MEIS2: variants seen among roughly 807,000 people sequenced by gnomAD.
The protein encoded by MEIS2 is Meis homeobox 2.
A neutral mutation model predicts 58.6 loss-of-function variants in MEIS2; 9 were observed. The observed-to-expected ratio is 0.15, with a 90% CI of 0.09 to 0.27. The LOEUF is 0.27. MEIS2 is among the 10% of genes least tolerant of loss of function. The pLI, the probability that MEIS2 is intolerant of heterozygous loss-of-function variation, is 1.00. For missense variants in MEIS2, 427 were observed against 635.0 expected (o/e 0.67, Z 3.52); for synonymous variants, 221 against 228.4 (o/e 0.97, Z 0.29).
intron 8 of MEIS2, among the ~76,000 whole-genome samples, chr15:36,974,296 C>T (rs1441487443): frequency 1.3e-5 from 2 of 152,066 alleles, no homozygotes; most frequent in East Asian, 1.9e-4. Flanking sequence ...CTACATAGTT[C>T]GTTTATTTTT....
rs556693122 is a variant in MEIS2 at position 37,093,756 on chromosome 15, T to G, written c.490-26A>C. 1.1e-5 allele frequency: 17 copies of G among 1,610,340 alleles called. No homozygotes were observed. In the South Asian group the frequency reaches 1.6e-4, roughly 16 times the overall value. On this transcript the variant is annotated intron_variant, in intron 5 of 11. Coordinates refer to ENST00000561208, the MANE Select transcript of MEIS2 (RefSeq NM_170675.5). ...CTAGAACGAAGGTCATGGTGGAGGG[T>G]TTAGCTCATGTTGTTGTTGTTGTTG...
intron 8 of MEIS2, among the ~76,000 whole-genome samples, chr15:37,036,197 A>G (rs1349405039): frequency 6.6e-6 from 1 of 152,214 alleles, no homozygotes; most frequent in Non-Finnish European, 1.5e-5. Flanking sequence ...AGAAGTGAAC[A>G]TGGTTAGCTT....
At chr15:37,016,518 T>C (rs1315198160) in intron 8 of MEIS2, among the ~76,000 whole-genome samples, 1 of 152,040 alleles carries the variant, frequency 6.6e-6, no homozygotes, top group East Asian at 1.9e-4. Flanking sequence ...AAAAAGTCCC[T>C]CCAGCAGCTC....
intron 7 of MEIS2, among the ~76,000 whole-genome samples, chr15:37,064,378 C>A (rs945364059): frequency 2.0e-5 from 3 of 151,566 alleles, no homozygotes; most frequent in African/African-American, 7.3e-5. Context: ...ATATTTACAA[C>A]GTAAATATGT....
chr15:36,920,196 C>A (rs1421465496), intron 9 of MEIS2, among the ~76,000 whole-genome samples: 3 of 152,016 alleles, frequency 2.0e-5, no homozygotes, highest in South Asian at 2.1e-4. Flanking sequence ...GTTGCCCAGG[C>A]TGGAGTACAA....
chr15:36,941,843 C>T (rs760845506), intron 9 of MEIS2, among the ~76,000 whole-genome samples: 2 of 152,136 alleles, frequency 1.3e-5, no homozygotes, highest in Non-Finnish European at 2.9e-5. Context: ...AGATTTTTCA[C>T]GTGTGGGTTT....
At chr15:36,934,974 A>G (rs780448090) in intron 9 of MEIS2, among the ~76,000 whole-genome samples, 3 of 152,122 alleles carry the variant, frequency 2.0e-5, no homozygotes, top group Non-Finnish European at 4.4e-5. Context: ...CTTGGCAGAG[A>G]CATAAAGCTA....
At chr15:36,893,130 A>G (rs1840113001) in intron 11 of MEIS2, among the ~76,000 whole-genome samples, 1 of 152,264 alleles carries the variant, frequency 6.6e-6, no homozygotes, top group South Asian at 2.1e-4. Context: ...AATAAAATGT[A>G]ATAAATGTAG....
intron 8 of MEIS2, among the ~76,000 whole-genome samples, chr15:37,033,601 T>C (rs1405990453): frequency 6.6e-6 from 1 of 152,140 alleles, no homozygotes; most frequent in Non-Finnish European, 1.5e-5. Context: ...GTAAAGAAAT[T>C]TACATGAAAT....
intron 1 of MEIS2, 74 bp from the exon 2 acceptor site, chr15:37,098,273 A>G: frequency 6.8e-7 from 1 of 1,460,070 alleles, no homozygotes; most frequent in East Asian, 2.5e-5. Context: ...AAAGGGAAAA[A>G]GAGCAGGGAG....
intron 9 of MEIS2, among the ~76,000 whole-genome samples, chr15:36,921,989 C>T (rs1000892897): frequency 1.3e-5 from 2 of 152,322 alleles, no homozygotes; most frequent in Middle Eastern, 3.4e-3. Context: ...CTTCCATGTT[C>T]ACTGATGTGG....
intron 8 of MEIS2, among the ~76,000 whole-genome samples, chr15:37,021,011 T>C (rs1188621276): frequency 6.6e-6 from 1 of 152,134 alleles, no homozygotes; most frequent in African/African-American, 2.4e-5. Context: ...AAGGTGGCTG[T>C]CTGCAAACCA....
At chr15:36,957,764 C>T (rs1380596421) in intron 8 of MEIS2, among the ~76,000 whole-genome samples, 1 of 152,228 alleles carries the variant, frequency 6.6e-6, no homozygotes, top group Non-Finnish European at 1.5e-5. Flanking sequence ...GTGTTCAATA[C>T]ATACTTGTTA....
chr15:37,060,234 C>G (rs1889028748), intron 7 of MEIS2, among the ~76,000 whole-genome samples: 1 of 152,162 alleles, frequency 6.6e-6, no homozygotes, highest in Non-Finnish European at 1.5e-5. Flanking sequence ...AGCAAACTCT[C>G]TAAGAGTTAC....
In MEIS2 at chr15:37,094,009, T is replaced by C. The variant is rs529094709; in HGVS notation, c.490-279A>G. 134 of 410,586 alleles carry C rather than the reference T, an allele frequency of 3.3e-4. 3 individuals are homozygous for C. In the South Asian group the frequency reaches 5.2e-3, roughly 16 times the overall value. The allele number at this position is 410,586 out of a possible 1,614,324, so 25.4% of individuals were successfully genotyped here. On this transcript the variant is annotated intron_variant, in intron 5 of 11. Coordinates refer to ENST00000561208, the MANE Select transcript of MEIS2 (RefSeq NM_170675.5). ...GGACTGGAAATAACTGGGTTCAGAG[T>C]GGGAGTCCAGGGAATTAAATCTGAT...
chr15:37,032,234 G>A (rs1397353194), intron 8 of MEIS2, among the ~76,000 whole-genome samples: 4 of 152,160 alleles, frequency 2.6e-5, no homozygotes, highest in African/African-American at 9.7e-5. Flanking sequence ...GTATGAGCAA[G>A]TAGTGTCTTT....
chr15:36,922,117 G>T (rs903608730), intron 9 of MEIS2, among the ~76,000 whole-genome samples: 4 of 152,192 alleles, frequency 2.6e-5, no homozygotes, highest in African/African-American at 7.2e-5. Context: ...ACAGGATAAC[G>T]CAGCACATAG....
At chr15:36,934,958 G>A (rs1167809312) in intron 9 of MEIS2, among the ~76,000 whole-genome samples, 1 of 152,038 alleles carries the variant, frequency 6.6e-6, no homozygotes, top group Non-Finnish European at 1.5e-5. Flanking sequence ...AGTGTTCTAG[G>A]GATACCTTGG....
intron 9 of MEIS2, among the ~76,000 whole-genome samples, chr15:36,928,813 A>G (rs1379142904): frequency 2.0e-5 from 3 of 152,180 alleles, no homozygotes; most frequent in Admixed American, 6.6e-5. Flanking sequence ...TGAAAATAGT[A>G]TCTTCTATCT....
Sources: gnomAD v4.1 joint callset for allele counts (sites outside exome capture counted in the v4.1 genomes callset) on GRCh38, gnomAD v4.1.1 for gene constraint, MANE v1.5 for transcripts, NCBI Gene and HGNC (gene_info 2026-07-23, HGNC 2026-07-21) for gene names.